Variants in CALCRL observed in about 807,000 individuals in gnomAD.
The protein encoded by CALCRL is calcitonin gene-related peptide type 1 receptor.
A neutral mutation model predicts 60.4 loss-of-function variants in CALCRL; 27 were observed. The ratio of observed to expected loss-of-function variants is 0.45; its 90% CI spans 0.33 to 0.62. The LOEUF (loss-of-function observed/expected upper bound fraction) is 0.62. Among genes scored for constraint, CALCRL ranks in the 20% least tolerant of loss-of-function variants. The pLI is 0.03. For synonymous variants in CALCRL, 190 were observed against 182.6 expected, an observed-to-expected ratio of 1.04 and a Z score of -0.33; for missense variants, 424 against 540.7, an observed-to-expected ratio of 0.78 and a Z score of 2.14.
chr2:187,417,257 C>CA (rs1475582991), intron 1 of CALCRL, among the ~76,000 whole-genome samples: 3 of 151,096 alleles, frequency 2.0e-5, no homozygotes, highest in East Asian at 1.9e-4. Flanking sequence ...ACAACTATGA[C>CA]AAAAAAACAA....
chr2:187,363,221 T>C (rs1488324511), intron 9 of CALCRL, among the ~76,000 whole-genome samples, 155 bp downstream of exon 9: 2 of 152,138 alleles, frequency 1.3e-5, no homozygotes, highest in African/African-American at 4.8e-5. Context: ...TTTCTCAATA[T>C]TCCCCAAGAT....
At chr2:187,402,743 C>G (rs72902489) in intron 1 of CALCRL, among the ~76,000 whole-genome samples, 12,633 of 151,744 alleles carry the variant, frequency 0.083, 656 homozygotes, top group South Asian at 0.17. Context: ...GAGTCATTAA[C>G]GATGTCTGCC....
chr2:187,395,454 C>T (rs998796405), intron 1 of CALCRL, among the ~76,000 whole-genome samples: 5 of 152,068 alleles, frequency 3.3e-5, no homozygotes, highest in African/African-American at 1.2e-4. Context: ...GGCTTGACAA[C>T]TCATACTTGC....
intron 8 of CALCRL, among the ~76,000 whole-genome samples, chr2:187,365,034 G>A (rs1372204462): frequency 6.6e-6 from 1 of 152,122 alleles, no homozygotes; most frequent in Non-Finnish European, 1.5e-5. Flanking sequence ...CTTATCTACA[G>A]GTTATTGATT....
Position 187,363,487 on chromosome 2 carries a change from T to C in CALCRL, c.516A>G (p.Gln172=). The C allele has an allele frequency of 6.3e-7, 1 of 1,599,824 alleles. No homozygotes were observed. Among genetic ancestry groups the C allele is most frequent in the Non-Finnish European group, 8.5e-7 (1 of 1,173,662 alleles). ...ACAGATTTTTGTGTAAGGTAATCCT[T>C]TGGCAACTTAGGCTCCTAAAAAGCA... ...IFFYFKSLSC[Q]RITLHKNLFF... Residue 172 remains glutamine (Q), a synonymous_variant, in exon 9 of 15, where the codon CAA becomes CAG. Transcript: ENST00000392370.
At chr2:187,399,556 A>G (rs1688797142) in intron 1 of CALCRL, among the ~76,000 whole-genome samples, 1 of 151,616 alleles carries the variant, frequency 6.6e-6, no homozygotes, top group Admixed American at 6.6e-5. Context: ...AAATGAAGAG[A>G]CAGCACACAG....
chr2:187,388,721 GAT>G (rs1215198975), intron 1 of CALCRL, among the ~76,000 whole-genome samples: 2 of 151,820 alleles, frequency 1.3e-5, no homozygotes, highest in Non-Finnish European at 2.9e-5. Flanking sequence ...TTTATTAACA[GAT>G]ATATTTTATT....
At chr2:187,418,905 G>C (rs1465716641) in intron 1 of CALCRL, among the ~76,000 whole-genome samples, 1 of 147,698 alleles carries the variant, frequency 6.8e-6, no homozygotes, top group Non-Finnish European at 1.5e-5. Context: ...CACCAGGCTG[G>C]GGTGCAGTGG....
At chr2:187,425,847 T>C (rs151324274) in intron 1 of CALCRL, among the ~76,000 whole-genome samples, 15 of 152,060 alleles carry the variant, frequency 9.9e-5, no homozygotes, top group African/African-American at 3.4e-4. Flanking sequence ...TTTTAAATGT[T>C]GACATTCTAA....
At chr2:187,353,750 T>TA (rs746163666) in intron 12 of CALCRL, among the ~76,000 whole-genome samples, 2 of 151,918 alleles carry the variant, frequency 1.3e-5, no homozygotes, top group African/African-American at 2.4e-5. Flanking sequence ...CATTGCTCTT[T>TA]AAAAAAAGAT....
At chr2:187,437,643 AT>A (rs1690707065) in intron 1 of CALCRL, among the ~76,000 whole-genome samples, 1 of 152,152 alleles carries the variant, frequency 6.6e-6, no homozygotes, top group Non-Finnish European at 1.5e-5. Flanking sequence ...AAATTGACTA[AT>A]TTTAAAAACA....
intron 8 of CALCRL, among the ~76,000 whole-genome samples, chr2:187,366,920 C>CACACTCACA (rs1491502658): frequency 2.1e-5 from 2 of 97,550 alleles, no homozygotes; most frequent in African/African-American, 7.0e-5. Context: ...GAGTATAACC[C>CACACTCACA]CACACACACA....
chr2:187,361,404 G>A lies in CALCRL; in HGVS notation c.628-653C>T, dbSNP rs1429787819. On this transcript the variant is annotated intron_variant, in intron 9 of 14. Transcript: ENST00000392370. ...AAATTACAGTAAAGAAAACACAAAA[G>A]AGTAAGAGTGAGTTTACTCTTAAAC... Among the ~76,000 whole-genome samples the A allele has an allele frequency of 2.6e-5, 4 of 151,856 alleles. No individual in the cohort carries two copies. In the South Asian group the frequency reaches 6.2e-4, roughly 24 times the overall value.
At chr2:187,444,659 A>C (rs1008169469) in intron 1 of CALCRL, among the ~76,000 whole-genome samples, 1 of 151,542 alleles carries the variant, frequency 6.6e-6, no homozygotes, top group African/African-American at 2.4e-5. Flanking sequence ...CTAGTAACCT[A>C]GGAAACATAG....
chr2:187,363,860 T>C (rs1423624791), intron 8 of CALCRL, among the ~76,000 whole-genome samples: 1 of 152,204 alleles, frequency 6.6e-6, no homozygotes, highest in East Asian at 1.9e-4. Context: ...CTCCTGCAGC[T>C]AATTAATTTG....
chr2:187,369,680 G>A (rs2105752103), intron 8 of CALCRL, among the ~76,000 whole-genome samples: 1 of 152,296 alleles, frequency 6.6e-6, no homozygotes, highest in East Asian at 1.9e-4. Flanking sequence ...CTGACCTCAT[G>A]TGACTCACAC....
At chr2:187,390,261 T>C (rs1438058435) in intron 1 of CALCRL, among the ~76,000 whole-genome samples, 1 of 152,164 alleles carries the variant, frequency 6.6e-6, no homozygotes, top group Non-Finnish European at 1.5e-5. Context: ...GGCACTGTAG[T>C]ACATATTTAA....
intron 8 of CALCRL, among the ~76,000 whole-genome samples, chr2:187,364,437 A>T (rs976554353): frequency 6.6e-6 from 1 of 152,046 alleles, no homozygotes; most frequent in Admixed American, 6.6e-5. Context: ...TTATTTCACT[A>T]CAGAGGCAAA....
rs1276840574 is a variant in CALCRL, at chr2:187,447,382, TC to T, written c.-293+656del. Among the ~76,000 whole-genome samples, 3 of 151,982 alleles carry T rather than the reference TC, an allele frequency of 2.0e-5. No individual in the cohort carries two copies. In the East Asian group the frequency reaches 5.8e-4, roughly 29 times the overall value. ...TTCCTAAACTCTAGGTTTTTTTTTTTCTTTGTAGCCGACACCATGATCCAAA... is the reference window on the plus strand; with the variant it reads ...TTCCTAAACTCTAGGTTTTTTTTTTTTTTGTAGCCGACACCATGATCCAAA... On this transcript the variant is annotated intron_variant, in intron 1 of 14. Transcript: ENST00000392370.
Sources: allele counts gnomAD v4.1 joint callset (sites outside exome capture counted in the v4.1 genomes callset), GRCh38; gene constraint gnomAD v4.1.1; transcripts MANE v1.5; gene names NCBI Gene and HGNC (gene_info 2026-07-23, HGNC 2026-07-21).